The following POU2AF2 variants were observed in gnomAD, a reference collection of about 807,000 sequenced individuals.
The protein encoded by POU2AF2 is POU domain class 2-associating factor 2.
At chr11:111,270,271 C>T in the POU2AF2 span, among the ~76,000 whole-genome samples, 1 of 152,182 alleles carries the variant, frequency 6.6e-6, no homozygotes, top group Admixed American at 6.5e-5. Context: ...TGCACTATTA[C>T]AAAAAATGCA....
chr11:111,269,068 A>G, the POU2AF2 span, among the ~76,000 whole-genome samples: 1 of 152,140 alleles, frequency 6.6e-6, no homozygotes. Flanking sequence ...TTGCAAGGTT[A>G]TTGATAAAGG....
At chr11:111,255,795 G>A in the POU2AF2 span, among the ~76,000 whole-genome samples, 1 of 152,122 alleles carries the variant, frequency 6.6e-6, no homozygotes, top group African/African-American at 2.4e-5. Context: ...GAGCTTAGAT[G>A]AGTCTCTATC....
At chr11:111,264,556 GA>G in the POU2AF2 span, among the ~76,000 whole-genome samples, 1 of 63,324 alleles carries the variant, frequency 1.6e-5, no homozygotes, top group African/African-American at 5.7e-5. Context: ...AAGAAAGAAA[GA>G]AAGAAAGAAA....
At chr11:111,278,863 G>C in the POU2AF2 span, among the ~76,000 whole-genome samples, 1 of 152,220 alleles carries the variant, frequency 6.6e-6, no homozygotes, top group Non-Finnish European at 1.5e-5. Context: ...ATTGGTAAAA[G>C]TTCCTAAAGA....
chr11:111,250,441 T>C, the POU2AF2 span, among the ~76,000 whole-genome samples: 1 of 152,208 alleles, frequency 6.6e-6, no homozygotes, highest in Non-Finnish European at 1.5e-5. Context: ...TTTTAAGACC[T>C]TTAACATGTC....
the POU2AF2 span, among the ~76,000 whole-genome samples, chr11:111,280,055 A>ATATATATATATATATAT: frequency 1.8e-4 from 12 of 65,706 alleles, no homozygotes; most frequent in African/African-American, 4.0e-4. Context: ...AAAAAAAAAA[A>ATATATATATATATATAT]AAATATATAT....
the POU2AF2 span, among the ~76,000 whole-genome samples, chr11:111,272,581 C>T: frequency 3.3e-5 from 5 of 152,176 alleles, no homozygotes; most frequent in Middle Eastern, 3.2e-3. Context: ...CAGAGTCTGG[C>T]GGGAAGTGGC....
chr11:111,265,248 C>T, the POU2AF2 span, among the ~76,000 whole-genome samples: 1 of 152,196 alleles, frequency 6.6e-6, no homozygotes, highest in Non-Finnish European at 1.5e-5. Flanking sequence ...CTGTTAAGGT[C>T]TCCCAGACAC....
chr11:111,276,457 T>A, the POU2AF2 span, among the ~76,000 whole-genome samples: 7,257 of 31,936 alleles, frequency 0.23, 409 homozygotes, highest in Non-Finnish European at 0.27. Flanking sequence ...AAAAAAAATA[T>A]ATATATATAT....
chr11:111,264,393 G>A, the POU2AF2 span, among the ~76,000 whole-genome samples: 1 of 151,858 alleles, frequency 6.6e-6, no homozygotes, highest in East Asian at 1.9e-4. Context: ...CTACTCAGGA[G>A]GCTGAGGCAC....
chr11:111,284,317 C>T, the POU2AF2 span: 1 of 1,611,008 alleles, frequency 6.2e-7, no homozygotes. Flanking sequence ...TGTTCAGCGC[C>T]TCGCCCCTAC....
chr11:111,264,820 GGAAA>G, the POU2AF2 span, among the ~76,000 whole-genome samples: 16 of 140,962 alleles, frequency 1.1e-4, no homozygotes, highest in Non-Finnish European at 9.2e-5. Context: ...ACAAAGAAAG[GGAAA>G]GAAAGAAAGA....
the POU2AF2 span, among the ~76,000 whole-genome samples, chr11:111,276,453 A>AAATATAGATATATATATAT: frequency 1.6e-4 from 6 of 37,692 alleles, no homozygotes; most frequent in Admixed American, 3.5e-4. Context: ...AAAAAAAAAA[A>AAATATAGATATATATATAT]ATATATATAT....
At chr11:111,261,794 T>A in the POU2AF2 span, among the ~76,000 whole-genome samples, 5 of 152,286 alleles carry the variant, frequency 3.3e-5, no homozygotes, top group Middle Eastern at 3.4e-3. Flanking sequence ...AAAATAGACA[T>A]GAAAATTCCT....
chr11:111,283,478 T>C, the POU2AF2 span, among the ~76,000 whole-genome samples: 15 of 152,184 alleles, frequency 9.9e-5, no homozygotes, highest in Non-Finnish European at 1.8e-4. Context: ...ACCCTAAAAC[T>C]ACAGGCCTCT....
At chr11:111,285,025 G>A in the POU2AF2 span, among the ~76,000 whole-genome samples, 1 of 152,206 alleles carries the variant, frequency 6.6e-6, no homozygotes, top group Non-Finnish European at 1.5e-5. Context: ...CTCTATGCCA[G>A]GAAATGTGAT....
At chr11:111,279,036 C>T in the POU2AF2 span, among the ~76,000 whole-genome samples, 2 of 152,260 alleles carry the variant, frequency 1.3e-5, no homozygotes, top group African/African-American at 4.8e-5. Context: ...CAAAAGAGCT[C>T]GGATTCAATG....
the POU2AF2 span, among the ~76,000 whole-genome samples, chr11:111,264,559 A>G: frequency 2.9e-3 from 193 of 67,356 alleles, 20 homozygotes; most frequent in African/African-American, 0.01. Context: ...AAAGAAAGAA[A>G]GAAAGAAAGA....
At chr11:111,248,644 T>C in the POU2AF2 span, among the ~76,000 whole-genome samples, 10 of 152,204 alleles carry the variant, frequency 6.6e-5, no homozygotes, top group Admixed American at 2.6e-4. Context: ...TATGGGATGA[T>C]TTTGCTTTTT....
Sources: gnomAD v4.1 joint callset for allele counts (sites outside exome capture counted in the v4.1 genomes callset) on GRCh38, gnomAD v4.1.1 for gene constraint, MANE v1.5 for transcripts, NCBI Gene and HGNC (gene_info 2026-07-23, HGNC 2026-07-21) for gene names.